The following PAPPA2 variants were observed in gnomAD, a reference collection of about 807,000 sequenced individuals.
The protein encoded by PAPPA2 is pappalysin 2, also known as pappalysin-2.
A neutral mutation model predicts 176.4 loss-of-function variants in PAPPA2; 86 were observed. The observed-to-expected ratio is 0.49, with a 90% CI of 0.41 to 0.58. The LOEUF is 0.58. PAPPA2 is among the 20% of genes least tolerant of loss of function. The pLI is 0.00. For synonymous variants in PAPPA2, 809 were observed against 852.2 expected, an observed-to-expected ratio of 0.95 and a Z score of 0.88; for missense variants, 2,073 against 2,256.9, an observed-to-expected ratio of 0.92 and a Z score of 1.65.
chr1:176,623,741 T>TTC (rs1655814683), intron 3 of PAPPA2, among the ~76,000 whole-genome samples: 1 of 141,576 alleles, frequency 7.1e-6, no homozygotes, highest in East Asian at 2.0e-4. Flanking sequence ...TCTTTCTTTC[T>TTC]CTCTCTTTCC....
intron 15 of PAPPA2, among the ~76,000 whole-genome samples, chr1:176,768,656 G>T (rs138352540): frequency 6.6e-6 from 1 of 151,938 alleles, no homozygotes; most frequent in East Asian, 1.9e-4. Context: ...TTGCCTGGTC[G>T]ATTTTTAGTT....
At chr1:176,766,508 A>G (rs1389183409) in intron 15 of PAPPA2, among the ~76,000 whole-genome samples, 2 of 152,204 alleles carry the variant, frequency 1.3e-5, no homozygotes, top group African/African-American at 4.8e-5. Context: ...AACAAAAGAA[A>G]TTAATCTCCT....
chr1:176,770,134 C>A (rs771611873), intron 16 of PAPPA2, among the ~76,000 whole-genome samples: 8 of 152,228 alleles, frequency 5.3e-5, no homozygotes, highest in Middle Eastern at 3.4e-3. Context: ...TATTTACAGC[C>A]ATCCTTTGAG....
intron 21 of PAPPA2, among the ~76,000 whole-genome samples, chr1:176,818,593 C>T (rs1666506775): frequency 2.8e-5 from 3 of 105,352 alleles, no homozygotes; most frequent in African/African-American, 1.6e-4. Flanking sequence ...CCACATTTTA[C>T]CATCTGACCC....
At chr1:176,592,123 T>G (rs1653705193) in intron 2 of PAPPA2, among the ~76,000 whole-genome samples, 1 of 152,224 alleles carries the variant, frequency 6.6e-6, no homozygotes, top group Non-Finnish European at 1.5e-5. Context: ...TTGCTAAGTA[T>G]GCCTTTTTAA....
At chr1:176,475,733 T>A (rs143824301) in intron 1 of PAPPA2, among the ~76,000 whole-genome samples, 17 of 152,272 alleles carry the variant, frequency 1.1e-4, no homozygotes, top group African/African-American at 4.1e-4. Flanking sequence ...AGATTAGCAA[T>A]TTTAGGGTGT....
intron 3 of PAPPA2, 35 bp from the exon 4 acceptor site, chr1:176,670,935 T>C (rs367930282): frequency 6.2e-7 from 1 of 1,612,430 alleles, no homozygotes; most frequent in Non-Finnish European, 8.5e-7. Flanking sequence ...ACCAATTCTT[T>C]GCTGTGACAT....
intron 14 of PAPPA2, among the ~76,000 whole-genome samples, chr1:176,753,628 A>G (rs114106976): frequency 0.021 from 1,701 of 80,774 alleles, 24 homozygotes; most frequent in African/African-American, 0.073. Flanking sequence ...CTCCTCATCT[A>G]TTATTTTTAT....
chr1:176,769,656 G>A lies in PAPPA2; in HGVS notation c.4373G>A (p.Ser1458Asn). ...CSSGHWDQNV[S>N]CLPVDCGVPD... ...TCTGGGCACTGGGACCAGAATGTGAGCTGCCTTCCCGTGGACTGCGGTGTT... is the reference window on the plus strand; with the variant it reads ...TCTGGGCACTGGGACCAGAATGTGAACTGCCTTCCCGTGGACTGCGGTGTT... Residue 1458 changes from serine (S) to asparagine (N), a missense_variant, in exon 16 of 23, where the codon AGC becomes AAC. By Grantham distance (46) the Ser-to-Asn change is conservative. This residue lies in a region of PAPPA2 where 846 missense variants were observed against 857.9 expected (regional missense o/e 0.99). Transcript: ENST00000367662. The A allele has an allele frequency of 1.2e-6, 2 of 1,613,930 alleles. No individual in the cohort carries two copies. The highest frequency in any genetic ancestry group is 1.7e-6 in the Non-Finnish European group (2 of 1,179,980).
chr1:176,531,469 G>A (rs1649803337), intron 1 of PAPPA2, among the ~76,000 whole-genome samples: 1 of 152,190 alleles, frequency 6.6e-6, no homozygotes, highest in South Asian at 2.1e-4. Context: ...TATTTACTGA[G>A]AACCTATCCT....
chr1:176,842,077 T>C (rs1462911699), intron 22 of PAPPA2, among the ~76,000 whole-genome samples: 1 of 152,196 alleles, frequency 6.6e-6, no homozygotes, highest in Non-Finnish European at 1.5e-5. Flanking sequence ...TAGTTATAGA[T>C]GCTTGGCAAT....
At chr1:176,475,439 C>T (rs1330550987) in intron 1 of PAPPA2, among the ~76,000 whole-genome samples, 2 of 152,210 alleles carry the variant, frequency 1.3e-5, no homozygotes, top group African/African-American at 4.8e-5. Flanking sequence ...TCAGTGCATC[C>T]TTACAGGAGG....
At chr1:176,468,114 C>A (rs1285610387) in intron 1 of PAPPA2, among the ~76,000 whole-genome samples, 1 of 152,156 alleles carries the variant, frequency 6.6e-6, no homozygotes, top group Non-Finnish European at 1.5e-5. Flanking sequence ...ATTCAAGTAG[C>A]TTAGTTTTGC....
chr1:176,685,999 C>G (rs536820016), intron 4 of PAPPA2, among the ~76,000 whole-genome samples: 1 of 152,230 alleles, frequency 6.6e-6, no homozygotes, highest in Admixed American at 6.5e-5. Context: ...AAAACCCACT[C>G]CTTAATAATG....
chr1:176,671,505 G>A (rs1331721872), intron 4 of PAPPA2, among the ~76,000 whole-genome samples: 1 of 152,170 alleles, frequency 6.6e-6, no homozygotes, highest in Non-Finnish European at 1.5e-5. Context: ...TGGGCTTCTT[G>A]TATGGTGTGG....
intron 1 of PAPPA2, among the ~76,000 whole-genome samples, chr1:176,496,214 G>T (rs377445347): frequency 6.6e-6 from 1 of 152,042 alleles, no homozygotes; most frequent in Non-Finnish European, 1.5e-5. Flanking sequence ...TTAGCATTAG[G>T]TATATCTCCA....
rs1199477736 is a variant in PAPPA2, at chr1:176,824,199, G to A, written c.5203-15974G>A. Among the ~76,000 whole-genome samples, 3 of 152,204 alleles carry A rather than the reference G, an allele frequency of 2.0e-5. No individual in the cohort carries two copies. The East Asian group carries it at 5.8e-4, about 29-fold the overall frequency. ...AACACACATTGCTTGAACATCTGCTGTGGGGAACAAAAAGACCTGGTTGCT... is the reference window on the plus strand; with the variant it reads ...AACACACATTGCTTGAACATCTGCTATGGGGAACAAAAAGACCTGGTTGCT... On this transcript the variant is annotated intron_variant, in intron 21 of 22. Transcript: ENST00000367662.
In PAPPA2 at chr1:176,556,252, T is replaced by C. The variant is rs968886142; in HGVS notation, c.-71T>C. ...AAATCCATTGCTAGCTGCCTCTTTC[T>C]CGTCTGCCCATCACTCTGGTGTGGT... On this transcript the variant is annotated 5_prime_UTR_variant, in exon 2 of 23. Coordinates refer to ENST00000367662, the MANE Select transcript of PAPPA2 (RefSeq NM_020318.3). The C allele has an allele frequency of 1.3e-6, 2 of 1,497,900 alleles. No individual in the cohort carries two copies. The highest frequency in any genetic ancestry group is 1.8e-6 in the Non-Finnish European group (2 of 1,112,866). 92.8% of individuals were successfully genotyped at this position (1,497,900 alleles called of 1,614,324 possible). A position where few individuals can be genotyped will look rare whatever the true frequency, so the allele number is the denominator to read the frequency against.
chr1:176,490,991 G>T (rs781216496), intron 1 of PAPPA2, among the ~76,000 whole-genome samples: 8 of 152,192 alleles, frequency 5.3e-5, no homozygotes, highest in Non-Finnish European at 1.0e-4. Context: ...ATTTACACAT[G>T]ATCACATGCT....
Sources: gnomAD v4.1 joint callset for allele counts (sites outside exome capture counted in the v4.1 genomes callset) on GRCh38, gnomAD v4.1.1 for gene constraint, gnomAD v4.1.1 regional missense constraint, MANE v1.5 for transcripts, NCBI Gene and HGNC (gene_info 2026-07-23, HGNC 2026-07-21) for gene names.